The following MRTFB variants were observed in gnomAD, a reference collection of about 807,000 sequenced individuals.
MRTFB encodes the protein myocardin related transcription factor B, also known as myocardin-related transcription factor B.
A neutral mutation model predicts 104.2 loss-of-function variants in MRTFB; 29 were observed. The ratio of observed to expected loss-of-function variants is 0.28; its 90% confidence interval spans 0.21 to 0.38. The LOEUF (loss-of-function observed/expected upper bound fraction) is 0.38. Among genes scored for constraint, MRTFB ranks in the 10% least tolerant of loss-of-function variants. The pLI is 1.00. For synonymous variants in MRTFB, 535 were observed against 519.5 expected, an observed-to-expected ratio of 1.03 and a Z score of -0.41; for missense variants, 1,270 against 1,341.6, an observed-to-expected ratio of 0.95 and a Z score of 0.83.
the MRTFB span, among the ~76,000 whole-genome samples, chr16:14,008,309 GT>G: frequency 1.3e-5 from 2 of 152,266 alleles, no homozygotes; most frequent in East Asian, 3.9e-4. Context: ...TTCCTCCTAT[GT>G]TTTCTTCTAA....
chr16:14,187,688 CAT>C (rs754604777), intron 3 of MRTFB, among the ~76,000 whole-genome samples: 5 of 152,226 alleles, frequency 3.3e-5, no homozygotes, highest in Admixed American at 1.3e-4. Context: ...AATAGCCAAA[CAT>C]GTGGACATTG....
At chr16:14,004,570 C>G in the MRTFB span, among the ~76,000 whole-genome samples, 1 of 152,244 alleles carries the variant, frequency 6.6e-6, no homozygotes, top group East Asian at 1.9e-4. Flanking sequence ...CCACGGGGCC[C>G]CATGGGGCTC....
intron 2 of MRTFB, among the ~76,000 whole-genome samples, chr16:14,116,296 C>G (rs1366037077): frequency 6.6e-6 from 1 of 152,058 alleles, no homozygotes; most frequent in African/African-American, 2.4e-5. Context: ...ATCTATTTTT[C>G]AGGTCTTGGA....
At chr16:14,244,557 G>T (rs977264269) in intron 10 of MRTFB, among the ~76,000 whole-genome samples, 17 of 152,162 alleles carry the variant, frequency 1.1e-4, no homozygotes, top group South Asian at 2.1e-4. Flanking sequence ...TGTTCTGGTT[G>T]TCCCAGGTAC....
At chr16:14,055,897 T>C in the MRTFB span, among the ~76,000 whole-genome samples, 1 of 152,190 alleles carries the variant, frequency 6.6e-6, no homozygotes. Context: ...CATCCATGGA[T>C]CTTACCTGCA....
chr16:14,219,812 G>A (rs1258962691), intron 8 of MRTFB, among the ~76,000 whole-genome samples: 1 of 152,180 alleles, frequency 6.6e-6, no homozygotes, highest in Non-Finnish European at 1.5e-5. Context: ...CAGCTAAAAT[G>A]TGAGCCTATG....
At position 14,266,553 on chromosome 16, in the gene MRTFB, A is replaced by G. The variant is rs906333882; in HGVS notation, c.*5109A>G. On this transcript the variant is annotated 3_prime_UTR_variant, in exon 17 of 17. Transcript: ENST00000571589. ...AAAAGAAAAACCATGATGCCTTTGT[A>G]TTTGCTGTTTGCACCCCTGAAATCA... The G allele has an allele frequency of 6.6e-6, 1 of 152,132 alleles. No individual in the cohort carries two copies. Among genetic ancestry groups the G allele is most frequent in the East Asian group, 1.9e-4 (1 of 5,190 alleles). The allele number at this position is 152,132 out of a possible 1,614,324, so 9.4% of individuals were successfully genotyped here.
chr16:14,248,792 AGT>A, intron 12 of MRTFB, 132 bp from the exon 13 acceptor site: 1 of 823,944 alleles, frequency 1.2e-6, no homozygotes, highest in African/African-American at 1.7e-5. Flanking sequence ...GTGCAGATGA[AGT>A]GTGTATCTGT....
the MRTFB span, among the ~76,000 whole-genome samples, chr16:14,057,715 G>A: frequency 6.6e-6 from 1 of 151,654 alleles, no homozygotes; most frequent in Non-Finnish European, 1.5e-5. Context: ...AAACCCCGAG[G>A]AATGCTTCGC....
chr16:14,033,591 C>G, the MRTFB span, among the ~76,000 whole-genome samples: 24 of 151,632 alleles, frequency 1.6e-4, no homozygotes, highest in Non-Finnish European at 2.5e-4. Context: ...AATCCCAGCA[C>G]TTTGGGAGGC....
chr16:14,228,919 A>G (rs1198829458), intron 8 of MRTFB, among the ~76,000 whole-genome samples: 1 of 152,182 alleles, frequency 6.6e-6, no homozygotes, highest in Non-Finnish European at 1.5e-5. Flanking sequence ...GGTGAGGGGA[A>G]TGTGGAACCA....
chr16:14,046,315 GACCCTGTCT>G, the MRTFB span, among the ~76,000 whole-genome samples: 53 of 152,204 alleles, frequency 3.5e-4, no homozygotes, highest in Admixed American at 9.2e-4. Context: ...GACAGAGTGA[GACCCTGTCT>G]CAAAAATATA....
At chr16:14,227,507 A>AT (rs968754873) in intron 8 of MRTFB, among the ~76,000 whole-genome samples, 23 of 151,018 alleles carry the variant, frequency 1.5e-4, no homozygotes, top group African/African-American at 4.1e-4. Context: ...TCCAGCCTCA[A>AT]TTTTTTTTTG....
At chr16:14,252,120 G>C in intron 14 of MRTFB, 97 bp downstream of exon 14, 1 of 1,377,314 alleles carries the variant, frequency 7.3e-7, no homozygotes, top group East Asian at 2.3e-5. Context: ...TAATGTTAAT[G>C]GGATAAAATT....
chr16:14,028,727 T>C, the MRTFB span, among the ~76,000 whole-genome samples: 1 of 152,210 alleles, frequency 6.6e-6, no homozygotes, highest in Non-Finnish European at 1.5e-5. Context: ...TCACTTCACC[T>C]CATGGAGCCT....
At chr16:14,224,880 A>G (rs1356808441) in intron 8 of MRTFB, among the ~76,000 whole-genome samples, 1 of 152,216 alleles carries the variant, frequency 6.6e-6, no homozygotes, top group African/African-American at 2.4e-5. Flanking sequence ...TAGTAACTCA[A>G]AGCCATATGA....
Position 14,247,358 on chromosome 16 carries a change from G to A in MRTFB, c.2098G>A (p.Val700Met). 1 of 1,614,168 alleles carries A rather than the reference G, an allele frequency of 6.2e-7. No individual in the cohort carries two copies. The part of the protein sequence containing the change: ...EQQSVVSQFY[V>M]SSQGQPPPAV... ...GCAGAGTGTCGTCTCGCAGTTTTAT[G>A]TGAGTTCCCAGGGACAGCCACCGCC... Residue 700 changes from valine to methionine, a missense_variant, in exon 12 of 17, where the codon GTG becomes ATG. This residue lies in a region of MRTFB where 1,144 missense variants were observed against 1,131.5 expected (regional missense o/e 1.01). Transcript: ENST00000571589.
chr16:14,160,140 GC>G (rs927663878), intron 3 of MRTFB, among the ~76,000 whole-genome samples: 12 of 151,990 alleles, frequency 7.9e-5, no homozygotes, highest in African/African-American at 2.9e-4. Flanking sequence ...GGCCTTTATT[GC>G]TTTTTTAAAA....
chr16:14,074,495 CA>C (rs1236686972), intron 1 of MRTFB, among the ~76,000 whole-genome samples: 1 of 152,082 alleles, frequency 6.6e-6, no homozygotes, highest in Non-Finnish European at 1.5e-5. Context: ...ATACTATGCA[CA>C]TATCTCTGAT....
Sources: gnomAD v4.1 joint callset for allele counts (sites outside exome capture counted in the v4.1 genomes callset) on GRCh38, gnomAD v4.1.1 for gene constraint, gnomAD v4.1.1 regional missense constraint, MANE v1.5 for transcripts, NCBI Gene and HGNC (gene_info 2026-07-23, HGNC 2026-07-21) for gene names.